The following BIN2 variants were observed in gnomAD, a reference collection of about 807,000 sequenced individuals.
BIN2 encodes bridging integrator 2.
In BIN2, 43 loss-of-function variants were observed where a neutral mutation model predicts 67.9. The observed-to-expected ratio is 0.63, with a 90% CI of 0.50 to 0.82. BIN2 has a LOEUF of 0.82. Ranked by LOEUF, BIN2 falls within the 40% of genes least tolerant of loss-of-function variation. The probability of loss-of-function intolerance (pLI) is 0.00; values close to 1 mark genes in which losing one functional copy is unlikely to be tolerated. For missense variants in BIN2, 581 were observed against 671.6 expected (o/e 0.87, Z 1.49); for synonymous variants, 244 against 246.8 (o/e 0.99, Z 0.11).
intron 12 of BIN2, 38 bp downstream of exon 12, chr12:51,284,678 T>G (rs757416158): frequency 1.1e-5 from 16 of 1,505,008 alleles, no homozygotes; most frequent in Non-Finnish European, 1.5e-5. Flanking sequence ...CCCCTGTCAA[T>G]CTAATGCCCA....
intron 9 of BIN2, among the ~76,000 whole-genome samples, chr12:51,293,001 G>T (rs568603781): frequency 1.8e-3 from 267 of 152,042 alleles, no homozygotes; most frequent in African/African-American, 6.1e-3. Context: ...CAATGCTGCT[G>T]GTTGTGAGTT....
chr12:51,300,096 C>T (rs957027812), intron 5 of BIN2, among the ~76,000 whole-genome samples: 1 of 152,060 alleles, frequency 6.6e-6, no homozygotes, highest in African/African-American at 2.4e-5. Context: ...CCTCGGCCTC[C>T]CAAAGTGCTG....
At chr12:51,319,145 G>C (rs1355928005) in intron 1 of BIN2, among the ~76,000 whole-genome samples, 2 of 152,146 alleles carry the variant, frequency 1.3e-5, no homozygotes, top group African/African-American at 2.4e-5. Context: ...CTTAGGTGGA[G>C]AGGACAGAAA....
At chr12:51,316,132 T>C (rs1946121389) in intron 1 of BIN2, among the ~76,000 whole-genome samples, 1 of 152,198 alleles carries the variant, frequency 6.6e-6, no homozygotes, top group Non-Finnish European at 1.5e-5. Flanking sequence ...ATAGGTCTAC[T>C]ATGCTGCTGC....
At chr12:51,294,268 G>A (rs1255201174) in intron 9 of BIN2, among the ~76,000 whole-genome samples, 4 of 152,106 alleles carry the variant, frequency 2.6e-5, no homozygotes, top group Non-Finnish European at 5.9e-5. Context: ...TTTATATAAA[G>A]TTTAAAAACA....
At chr12:51,313,707 G>A in intron 2 of BIN2, 116 bp downstream of exon 2, 1 of 913,052 alleles carries the variant, frequency 1.1e-6, no homozygotes, top group South Asian at 1.4e-5. Context: ...TAACCCTAGG[G>A]GGAGGGTGGC....
At chr12:51,304,885 C>T (rs1945827283) in intron 2 of BIN2, among the ~76,000 whole-genome samples, 1 of 151,952 alleles carries the variant, frequency 6.6e-6, no homozygotes, top group African/African-American at 2.4e-5. Context: ...GGTGTGGTGG[C>T]GGGCACCTGT....
At chr12:51,300,263 AT>A (rs1377044622) in intron 5 of BIN2, among the ~76,000 whole-genome samples, 5 of 151,966 alleles carry the variant, frequency 3.3e-5, no homozygotes, top group African/African-American at 1.2e-4. Flanking sequence ...AATTATATAT[AT>A]GTAATAGATA....
At chr12:51,302,449 T>C in intron 4 of BIN2, 1 of 540,746 alleles carries the variant, frequency 1.8e-6, no homozygotes, top group Non-Finnish European at 3.3e-6. Flanking sequence ...AAACTTCCCA[T>C]AATGTTTTAA....
chr12:51,312,759 A>G (rs1946025499), intron 2 of BIN2, among the ~76,000 whole-genome samples: 1 of 152,178 alleles, frequency 6.6e-6, no homozygotes, highest in Non-Finnish European at 1.5e-5. Context: ...TAAACCAATA[A>G]CAACAACAAA....
In BIN2 at chr12:51,299,708, T is replaced by C. The variant is rs768661735; in HGVS notation, c.415A>G (p.Ile139Val). 2 of 1,614,004 alleles carry C rather than the reference T, an allele frequency of 1.2e-6. No individual in the cohort carries two copies. Among genetic ancestry groups the C allele is most frequent in the Non-Finnish European group, 1.7e-6 (2 of 1,179,996 alleles). ...ACGAGTTTCCGACCCCGCTTGGCAA[T>C]TCTCTCCTGACCCAGGGTAATGAGA... ...VAQFSEIKER[I>V]AKRGRKLVDY... is the part of the protein sequence containing the mutation. The change falls in exon 6 of 13, where the codon ATT becomes GTT. Residue 139 changes from isoleucine to valine, a missense_variant. Ile to Val is a conservative substitution (Grantham distance 29). Coordinates refer to ENST00000615107, the MANE Select transcript of BIN2 (RefSeq NM_016293.4).
chr12:51,316,328 C>CAAA (rs3059178), intron 1 of BIN2, among the ~76,000 whole-genome samples: 5,191 of 123,194 alleles, frequency 0.042, 145 homozygotes, highest in Non-Finnish European at 0.063. Context: ...ACTAAAAATA[C>CAAA]AAAAAAAAAA....
At chr12:51,311,934 G>T (rs191163341) in intron 2 of BIN2, among the ~76,000 whole-genome samples, 1 of 152,174 alleles carries the variant, frequency 6.6e-6, no homozygotes, top group African/African-American at 2.4e-5. Context: ...ATCACGCCCA[G>T]CTAATTTTTG....
intron 10 of BIN2, 104 bp from the exon 11 acceptor site, chr12:51,288,292 C>T: frequency 2.3e-6 from 2 of 882,690 alleles, no homozygotes; most frequent in East Asian, 2.5e-5. Context: ...TATCAGGAGG[C>T]TCCCGAGGTA....
At chr12:51,291,241 A>G (rs1592253723) in intron 10 of BIN2, among the ~76,000 whole-genome samples, 1 of 152,314 alleles carries the variant, frequency 6.6e-6, no homozygotes, top group East Asian at 1.9e-4. Flanking sequence ...AACAATCCCC[A>G]AAACCAAAAA....
chr12:51,286,340 G>A (rs1031402225), intron 11 of BIN2, among the ~76,000 whole-genome samples: 1 of 152,084 alleles, frequency 6.6e-6, no homozygotes, highest in Non-Finnish European at 1.5e-5. Context: ...TTTCTCCTTA[G>A]CTGATGACCA....
chr12:51,315,884 C>T (rs1269691829), intron 1 of BIN2, among the ~76,000 whole-genome samples: 2 of 152,206 alleles, frequency 1.3e-5, no homozygotes, highest in Non-Finnish European at 1.5e-5. Flanking sequence ...CACTTATAAA[C>T]AGGCAATTAC....
chr12:51,294,959 G>T (rs1335650180), intron 9 of BIN2, among the ~76,000 whole-genome samples: 1 of 152,072 alleles, frequency 6.6e-6, no homozygotes, highest in Non-Finnish European at 1.5e-5. Context: ...TAGAGACAGG[G>T]TCTTGCTCTG....
Position 51,295,202 on chromosome 12 carries a change from C to T in BIN2, c.761+594G>A, listed in dbSNP as rs368075566. The stretch of plus-strand genomic sequence containing the variant: ...TCAAGTAATTCTCCTGCCTCAGCCT[C>T]CCAAAGTACTGGGATTATAGGCATG... On this transcript the variant is annotated intron_variant, in intron 9 of 12. Coordinates refer to ENST00000615107, the MANE Select transcript of BIN2 (RefSeq NM_016293.4). Among the ~76,000 whole-genome samples the T allele has an allele frequency of 2.6e-4, 39 of 151,446 alleles. No homozygotes were observed. The East Asian group carries it at 5.3e-3, about 20-fold the overall frequency.
Sources: allele counts gnomAD v4.1 joint callset (sites outside exome capture counted in the v4.1 genomes callset), GRCh38; gene constraint gnomAD v4.1.1; transcripts MANE v1.5; gene names NCBI Gene and HGNC (gene_info 2026-07-23, HGNC 2026-07-21).